MSI2: variants seen among roughly 807,000 people sequenced by gnomAD.
The protein encoded by MSI2 is musashi RNA binding protein 2.
A neutral mutation model predicts 45.6 loss-of-function variants in MSI2; 17 were observed. The ratio of observed to expected loss-of-function variants is 0.37; its 90% confidence interval spans 0.26 to 0.56. The LOEUF (loss-of-function observed/expected upper bound fraction) is 0.56, where lower values mean the gene tolerates loss of function less well. Among genes scored for constraint, MSI2 ranks in the 20% least tolerant of loss-of-function variants. The pLI is 0.77. For synonymous variants in MSI2, 156 were observed against 158.2 expected (o/e 0.99, Z 0.11); for missense variants, 293 against 444.2 (o/e 0.66, Z 3.06).
rs150206409 is a variant in MSI2, at chr17:57,672,379, A to T, written c.791-2593A>T. Among the ~76,000 whole-genome samples the T allele has an allele frequency of 9.8e-5, 15 of 152,372 alleles. No individual in the cohort carries two copies. In the East Asian group the frequency reaches 2.9e-3, roughly 29 times the overall value. ...CACACAGGAATGGGAGCGGTTGCCAAGGATGGGCATAATACCAACAGCCCT... is the reference window on the plus strand; with the variant it reads ...CACACAGGAATGGGAGCGGTTGCCATGGATGGGCATAATACCAACAGCCCT... On this transcript the variant is annotated intron_variant, in intron 11 of 13. Coordinates refer to ENST00000284073, the MANE Select transcript of MSI2 (RefSeq NM_138962.4).
chr17:57,270,079 G>T (rs997097949), intron 5 of MSI2, among the ~76,000 whole-genome samples: 1 of 152,128 alleles, frequency 6.6e-6, no homozygotes, highest in African/African-American at 2.4e-5. Flanking sequence ...TGGAATGTTA[G>T]CCTTAGGGTG....
At chr17:57,300,580 C>A (rs148927067) in intron 5 of MSI2, among the ~76,000 whole-genome samples, 24 of 152,238 alleles carry the variant, frequency 1.6e-4, no homozygotes, top group African/African-American at 5.8e-4. Context: ...TGAGTGCCAC[C>A]TTTAAGATGA....
chr17:57,635,237 T>A (rs1423241103), intron 10 of MSI2, among the ~76,000 whole-genome samples: 1 of 152,194 alleles, frequency 6.6e-6, no homozygotes, highest in Non-Finnish European at 1.5e-5. Flanking sequence ...CTGAGTCAAG[T>A]TTAGGAAGTT....
intron 5 of MSI2, among the ~76,000 whole-genome samples, chr17:57,325,149 A>G (rs1162767977): frequency 1.3e-5 from 2 of 152,258 alleles, no homozygotes; most frequent in East Asian, 3.8e-4. Flanking sequence ...GCCATAAAAA[A>G]GAACAAAATA....
intron 6 of MSI2, among the ~76,000 whole-genome samples, chr17:57,424,798 C>G (rs2084461574): frequency 6.6e-6 from 1 of 152,060 alleles, no homozygotes. Flanking sequence ...GGGCAGGGGT[C>G]TGATGACTCC....
intron 8 of MSI2, among the ~76,000 whole-genome samples, chr17:57,598,974 T>G (rs1905553207): frequency 6.6e-6 from 1 of 152,186 alleles, no homozygotes; most frequent in African/African-American, 2.4e-5. Flanking sequence ...GTACTAGCTA[T>G]TTTTAAAAAG....
intron 5 of MSI2, among the ~76,000 whole-genome samples, chr17:57,355,320 C>T (rs556792857): frequency 6.6e-6 from 1 of 152,334 alleles, no homozygotes; most frequent in African/African-American, 2.4e-5. Flanking sequence ...CTGCATATCA[C>T]TGTCAGGAAA....
intron 6 of MSI2, among the ~76,000 whole-genome samples, chr17:57,431,480 G>A (rs919027468): frequency 4.6e-5 from 7 of 152,204 alleles, no homozygotes; most frequent in African/African-American, 1.2e-4. Context: ...AGGTTTGGGG[G>A]TCCCAAGGCC....
At chr17:57,618,743 C>A (rs1285184596) in intron 9 of MSI2, among the ~76,000 whole-genome samples, 1 of 152,118 alleles carries the variant, frequency 6.6e-6, no homozygotes, top group African/African-American at 2.4e-5. Flanking sequence ...GGGATTTCAC[C>A]ATGTTGGCCA....
At chr17:57,337,890 AT>A (rs1289099370) in intron 5 of MSI2, among the ~76,000 whole-genome samples, 1 of 152,180 alleles carries the variant, frequency 6.6e-6, no homozygotes, top group Admixed American at 6.5e-5. Flanking sequence ...AGAACCCAGA[AT>A]TAGAATCACG....
At chr17:57,653,063 G>A (rs915846633) in intron 11 of MSI2, among the ~76,000 whole-genome samples, 68 of 151,562 alleles carry the variant, frequency 4.5e-4, no homozygotes, top group African/African-American at 1.5e-3. Flanking sequence ...CCAGGGAAGC[G>A]CCTAGTTTGA....
chr17:57,332,977 A>T (rs1044046939), intron 5 of MSI2, among the ~76,000 whole-genome samples: 2 of 152,116 alleles, frequency 1.3e-5, no homozygotes, highest in East Asian at 3.9e-4. Context: ...GTGAGCCGAG[A>T]TCATGCCACT....
intron 11 of MSI2, among the ~76,000 whole-genome samples, chr17:57,674,136 G>T (rs967878990): frequency 6.6e-6 from 1 of 150,450 alleles, no homozygotes; most frequent in Admixed American, 6.6e-5. Context: ...GAAACTCTCT[G>T]CCGCCATCAT....
the MSI2 span, among the ~76,000 whole-genome samples, chr17:57,699,172 AGAGAGAGAGAGTGT>A: frequency 9.8e-5 from 4 of 40,630 alleles, no homozygotes; most frequent in Non-Finnish European, 1.7e-4. Flanking sequence ...AGAGAGAGAG[AGAGAGAGAGAGTGT>A]GTGTGTGTGT....
At chr17:57,387,930 TAGA>T (rs1056506470) in intron 5 of MSI2, among the ~76,000 whole-genome samples, 1 of 152,206 alleles carries the variant, frequency 6.6e-6, no homozygotes, top group Non-Finnish European at 1.5e-5. Context: ...TACTATTTTG[TAGA>T]AGAAGGAACA....
chr17:57,294,706 T>G (rs1910769491), intron 5 of MSI2: 1 of 152,320 alleles, frequency 6.6e-6, no homozygotes, highest in African/African-American at 2.4e-5. Flanking sequence ...ATCCTGTGTT[T>G]GTGCTCCCGA....
chr17:57,572,771 G>A (rs1048700177), intron 7 of MSI2, among the ~76,000 whole-genome samples: 4 of 152,200 alleles, frequency 2.6e-5, no homozygotes, highest in African/African-American at 4.8e-5. Context: ...ACCTCCATTC[G>A]TCAGCACGGC....
chr17:57,665,175 C>A (rs547800975), intron 11 of MSI2, among the ~76,000 whole-genome samples: 1 of 152,304 alleles, frequency 6.6e-6, no homozygotes, highest in East Asian at 1.9e-4. Context: ...TCAGGAAGGC[C>A]ACCCTCCAGG....
intron 7 of MSI2, among the ~76,000 whole-genome samples, chr17:57,539,981 C>T (rs184342750): frequency 2.0e-5 from 3 of 152,284 alleles, no homozygotes; most frequent in South Asian, 2.1e-4. Flanking sequence ...AGGCAACACC[C>T]GGTTAATGAT....
Sources: gnomAD v4.1 joint callset for allele counts (sites outside exome capture counted in the v4.1 genomes callset) on GRCh38, gnomAD v4.1.1 for gene constraint, MANE v1.5 for transcripts, NCBI Gene and HGNC (gene_info 2026-07-23, HGNC 2026-07-21) for gene names.